The following TAL1 variants were observed in gnomAD, a reference collection of about 807,000 sequenced individuals.
The protein encoded by TAL1 is TAL bHLH transcription factor 1, erythroid differentiation factor, also known as T-cell acute lymphocytic leukemia protein 1.
TAL1 carries 8 observed loss-of-function variants against 17.9 expected under a neutral mutation model. That is an observed-to-expected ratio of 0.45 (90% confidence interval 0.26 to 0.81). TAL1 has a LOEUF of 0.81. Among genes scored for constraint, TAL1 ranks in the 30% least tolerant of loss-of-function variants. The pLI is 0.17. For synonymous variants in TAL1, 223 were observed against 218.6 expected (o/e 1.02, Z -0.18); for missense variants, 466 against 486.9 (o/e 0.96, Z 0.40).
At chr1:47,216,716 C>A (rs1645502635) in exon 4 of TAL1, 1 of 231,532 alleles carries the variant, frequency 4.3e-6, no homozygotes, top group African/African-American at 2.2e-5. Flanking sequence ...TCTGCCATAA[C>A]AAATAAAAGA....
At chr1:47,216,455 A>G (rs1441028918) in exon 4 of TAL1, 1 of 230,082 alleles carries the variant, frequency 4.3e-6, no homozygotes, top group African/African-American at 2.2e-5. Flanking sequence ...CCTCTTCTGC[A>G]GAAAAATGCA....
chr1:47,225,414 C>T, intron 2 of TAL1, 29 bp downstream of exon 3: 3 of 1,202,266 alleles, frequency 2.5e-6, no homozygotes, highest in South Asian at 4.2e-5. Context: ...ACCCGCCCAG[C>T]CCCTGGCCCC....
intron 3 of TAL1, among the ~76,000 whole-genome samples, chr1:47,221,119 C>T (rs571425326): frequency 1.4e-3 from 214 of 152,220 alleles, no homozygotes; most frequent in African/African-American, 4.4e-3. Context: ...TGCAGTAAGG[C>T]GGGGGGACTT....
chr1:47,223,218 C>A (rs1352584975), intron 3 of TAL1, among the ~76,000 whole-genome samples: 1 of 152,208 alleles, frequency 6.6e-6, no homozygotes, highest in Non-Finnish European at 1.5e-5. Flanking sequence ...GTTCTGGGGG[C>A]ATCTGGGTCT....
At chr1:47,220,516 C>A (rs1038139036) in intron 3 of TAL1, among the ~76,000 whole-genome samples, 1 of 152,144 alleles carries the variant, frequency 6.6e-6, no homozygotes, top group African/African-American at 2.4e-5. Flanking sequence ...TGCCAAGAGG[C>A]CTTACAGCTA....
intron 1 of TAL1, 117 bp from the exon 3 acceptor site, chr1:47,226,006 G>T: frequency 9.9e-7 from 1 of 1,014,620 alleles, no homozygotes; most frequent in Non-Finnish European, 1.3e-6. Flanking sequence ...ACCGAGACGT[G>T]AGAAGAGGCA....
exon 4 of TAL1, chr1:47,218,551 GCT>G (rs1645545220): frequency 4.3e-6 from 1 of 232,898 alleles, no homozygotes; most frequent in Non-Finnish European, 8.5e-6. Flanking sequence ...TTAAGGTTCT[GCT>G]AAGTGAATGT....
intron 1 of TAL1, chr1:47,228,218 T>G (rs1220423117): frequency 5.9e-6 from 1 of 169,924 alleles, no homozygotes; most frequent in African/African-American, 2.4e-5. Flanking sequence ...TCCCCACATT[T>G]TAGGAAAATC....
exon 4 of TAL1, chr1:47,219,761 G>T: frequency 6.2e-7 from 1 of 1,611,278 alleles, no homozygotes; most frequent in Non-Finnish European, 8.5e-7. Flanking sequence ...AGCATGGCAG[G>T]ATGGAGGCTG....
intron 1 of TAL1, chr1:47,227,957 G>A (rs927402054): frequency 2.0e-5 from 3 of 152,218 alleles, no homozygotes; most frequent in Non-Finnish European, 2.9e-5. Context: ...GCTTCTAACC[G>A]AGTGACAGTG....
chr1:47,221,326 A>C (rs1013824695), intron 3 of TAL1, among the ~76,000 whole-genome samples: 21 of 152,214 alleles, frequency 1.4e-4, no homozygotes, highest in African/African-American at 4.8e-4. Context: ...AGGCTGCCTC[A>C]GTCTCCTCAT....
upstream of TAL1, chr1:47,232,086 G>A (rs919750646): frequency 1.3e-5 from 3 of 230,842 alleles, no homozygotes; most frequent in African/African-American, 6.6e-5. Context: ...CGGACGTGGG[G>A]AAAAAGAGGA....
chr1:47,225,100 G>A (rs1643886626), intron 2 of TAL1, among the ~76,000 whole-genome samples: 1 of 152,162 alleles, frequency 6.6e-6, no homozygotes, highest in South Asian at 2.1e-4. Context: ...ACGCTCAGGG[G>A]ACTCCTTCCT....
At chr1:47,217,954 G>A (rs971245790) in exon 4 of TAL1, 2 of 394,168 alleles carry the variant, frequency 5.1e-6, no homozygotes, top group Non-Finnish European at 8.9e-6. Flanking sequence ...TGCTACAAAG[G>A]TGAACAATGT....
chr1:47,219,519 T>G (rs1326355039), exon 4 of TAL1: 1 of 847,060 alleles, frequency 1.2e-6, no homozygotes, highest in Admixed American at 2.0e-5. Context: ...TTTGCTCCAT[T>G]TTTCTGATCT....
exon 4 of TAL1, chr1:47,220,046 T>C (rs577599920): frequency 6.2e-7 from 1 of 1,613,932 alleles, no homozygotes; most frequent in Non-Finnish European, 8.5e-7. Context: ...TCATTCTTGC[T>C]GAGCTTCTTG....
rs537427396 is a variant in TAL1 at position 47,225,448 on chromosome 1, G to C, written c.441C>G (p.Leu147=). 2,196 of 1,231,478 alleles carry C rather than the reference G, an allele frequency of 1.8e-3. 14 individuals are homozygous for C. The highest frequency in any genetic ancestry group is 0.01 in the Middle Eastern group (33 of 3,204). 76.3% of individuals were successfully genotyped at this position (1,231,478 alleles called of 1,614,324 possible). A position where few individuals can be genotyped will look rare whatever the true frequency, so the allele number is the denominator to read the frequency against. ...CCTGGCCCCTGGCCCCTGACCTGCC[G>C]AGAGAGGCCAGCGGCTGGCTGAGGC... The change falls in exon 2 of 4, where the codon CTC becomes CTG. Residue 147 remains leucine, a synonymous_variant. Transcript: ENST00000294339.
At chr1:47,225,668 A>G in exon 2 of TAL1, 3 of 1,416,312 alleles carry the variant, frequency 2.1e-6, no homozygotes, top group Middle Eastern at 2.5e-4. Context: ...GCGGCCCTTT[A>G]AGTCTCTCGC....
At chr1:47,216,885 G>A in exon 4 of TAL1, 1 of 232,148 alleles carries the variant, frequency 4.3e-6, no homozygotes, top group Non-Finnish European at 8.5e-6. Flanking sequence ...CAAGGAAGGA[G>A]AGGAAGGATA....
Sources: allele counts gnomAD v4.1 joint callset (sites outside exome capture counted in the v4.1 genomes callset), GRCh38; gene constraint gnomAD v4.1.1; transcripts MANE v1.5; gene names NCBI Gene and HGNC (gene_info 2026-07-23, HGNC 2026-07-21).